ZNF585B: variants seen among roughly 807,000 people sequenced by gnomAD.
The protein encoded by ZNF585B is zinc finger protein 41-like protein.
A neutral mutation model predicts 14.0 loss-of-function variants in ZNF585B; 7 were observed. That is an observed-to-expected ratio of 0.50 (90% CI 0.28 to 0.94). The LOEUF (loss-of-function observed/expected upper bound fraction) is 0.94. Among genes scored for constraint, ZNF585B ranks in the 40% least tolerant of loss-of-function variants. ZNF585B has a pLI of 0.09. For synonymous variants in ZNF585B, 290 were observed against 317.3 expected, an observed-to-expected ratio of 0.91 and a Z score of 0.91; for missense variants, 750 against 924.4, an observed-to-expected ratio of 0.81 and a Z score of 2.45.
chr19:37,185,414 T>C lies in ZNF585B; in HGVS notation c.2123A>G (p.His708Arg), dbSNP rs1440897267. 6.2e-6 allele frequency: 10 copies of C among 1,614,036 alleles called. No homozygotes were observed. In the Middle Eastern group the frequency reaches 1.5e-3, roughly 240 times the overall value. ...CTTCTCTCCAGTGTGAATTCGCTGA[T>C]GCACTTGGAGCTGTGATTTTTTAGT... ...SFTKKSQLQV[H>R]QRIHTGEKPY... Residue 708 changes from histidine (H) to arginine (R), a missense_variant, in exon 5 of 5, where the codon CAT becomes CGT. Around this residue, in one of 2 missense-constraint regions of ZNF585B, gnomAD observed 233 missense variants for 354.1 expected, o/e 0.66. Coordinates refer to ENST00000532828, the MANE Select transcript of ZNF585B (RefSeq NM_152279.4).
intron 2 of ZNF585B, among the ~76,000 whole-genome samples, chr19:37,195,345 CAAAAAAAAAAA>C (rs71177429): frequency 8.4e-4 from 12 of 14,282 alleles, no homozygotes; most frequent in Non-Finnish European, 1.3e-3. Flanking sequence ...GACTCTGACT[CAAAAAAAAAAA>C]AAAAAAAAAA....
chr19:37,206,860 C>T (rs185334896), intron 2 of ZNF585B, among the ~76,000 whole-genome samples, 180 bp downstream of exon 2: 13 of 152,320 alleles, frequency 8.5e-5, no homozygotes, highest in African/African-American at 1.9e-4. Context: ...CCTCCAGAGA[C>T]GGAGACATTA....
At chr19:37,191,270 T>C (rs1015696585) in intron 2 of ZNF585B, among the ~76,000 whole-genome samples, 1 of 152,148 alleles carries the variant, frequency 6.6e-6, no homozygotes, top group African/African-American at 2.4e-5. Flanking sequence ...GGTCACATAT[T>C]AAATATCCAG....
Position 37,190,166 on chromosome 19 carries a change from C to G in ZNF585B, c.73-16G>C. ...ACACTGATCCCTGTAAGGGCACATTCCTGTTCAATGTGCATAGTCAGCTTT... is the reference window on the plus strand; with the variant it reads ...ACACTGATCCCTGTAAGGGCACATTGCTGTTCAATGTGCATAGTCAGCTTT... On this transcript the variant is annotated splice_polypyrimidine_tract_variant and intron_variant, in intron 2 of 4. Transcript: ENST00000532828. 6.2e-7 allele frequency: 1 copy of G among 1,614,098 alleles called. No individual in the cohort carries two copies. Among genetic ancestry groups the G allele is most frequent in the African/African-American group, 1.3e-5 (1 of 75,038 alleles).
chr19:37,204,787 C>A (rs893366976), intron 2 of ZNF585B, among the ~76,000 whole-genome samples: 1 of 150,968 alleles, frequency 6.6e-6, no homozygotes. Flanking sequence ...CACTCTGTCA[C>A]CCAGACTGGA....
intron 2 of ZNF585B, 105 bp from the exon 3 acceptor site, chr19:37,190,255 A>AT (rs907810136): frequency 7.0e-3 from 9,355 of 1,328,306 alleles, no homozygotes; most frequent in South Asian, 0.017. Flanking sequence ...AATTTACTTC[A>AT]TTTTTTTTTT....
intron 2 of ZNF585B, among the ~76,000 whole-genome samples, chr19:37,193,737 A>G (rs1316100428): frequency 2.6e-5 from 4 of 152,100 alleles, no homozygotes; most frequent in African/African-American, 9.7e-5. Context: ...CCGTTAATGC[A>G]CCACTGCACA....
chr19:37,184,729 T>G lies in ZNF585B; in HGVS notation c.*498A>C. On this transcript the variant is annotated 3_prime_UTR_variant, in exon 5 of 5. Transcript: ENST00000532828. Reference sequence around the variant, plus strand: ...TTGATAGAAATACTCAATGGGGAATTGGATATGCACAACTGTGTTCGATTC... The same window carrying G: ...TTGATAGAAATACTCAATGGGGAATGGGATATGCACAACTGTGTTCGATTC... 3.0e-6 allele frequency: 1 copy of G among 328,128 alleles called. No homozygotes were observed. Among genetic ancestry groups the G allele is most frequent in the Non-Finnish European group, 5.5e-6 (1 of 181,708 alleles). The allele number at this position is 328,128 out of a possible 1,614,324, so 20.3% of individuals were successfully genotyped here.
intron 4 of ZNF585B, 118 bp downstream of exon 4, chr19:37,189,543 G>T (rs1972376130): frequency 9.0e-7 from 1 of 1,113,452 alleles, no homozygotes; most frequent in East Asian, 2.6e-5. Flanking sequence ...AAAAAATTCA[G>T]AGCCTTACTG....
chr19:37,201,086 T>C (rs1357492655), intron 2 of ZNF585B, among the ~76,000 whole-genome samples: 1 of 114,626 alleles, frequency 8.7e-6, no homozygotes, highest in South Asian at 2.8e-4. Context: ...CAAGACTCCG[T>C]CTCAAAAAAA....
Position 37,183,994 on chromosome 19 carries a change from T to A in ZNF585B, c.*1233A>T, listed in dbSNP as rs957243576. On this transcript the variant is annotated 3_prime_UTR_variant, in exon 5 of 5. Coordinates refer to ENST00000532828, the MANE Select transcript of ZNF585B (RefSeq NM_152279.4). ...AGAATTGTAATAGCAGAAGGAAGAA[T>A]TTAAGTTCTCCCAGATGACCTGAAA... The A allele has an allele frequency of 6.7e-6, 1 of 149,936 alleles. No individual in the cohort carries two copies. Among genetic ancestry groups the A allele is most frequent in the Non-Finnish European group, 1.5e-5 (1 of 67,718 alleles). The allele number at this position is 149,936 out of a possible 1,614,324, so 9.3% of individuals were successfully genotyped here.
Position 37,185,647 on chromosome 19 carries a change from T to C in ZNF585B, c.1890A>G (p.Gly630=). ...QLLVHQPVHT[G]EKPYVCAECG... Reference sequence around the variant, plus strand: ...ACTCGGCACACACATAGGGTTTCTCTCCTGTGTGAACTGGCTGATGCACCA... The same window carrying C: ...ACTCGGCACACACATAGGGTTTCTCCCCTGTGTGAACTGGCTGATGCACCA... Residue 630 remains glycine (G), a synonymous_variant, in exon 5 of 5, where the codon GGA becomes GGG. Transcript: ENST00000532828. 1 of 1,613,842 alleles carries C rather than the reference T, an allele frequency of 6.2e-7. No homozygotes were observed. The highest frequency in any genetic ancestry group is 2.2e-5 in the East Asian group (1 of 44,864).
At chr19:37,196,199 T>C (rs1972464135) in intron 2 of ZNF585B, among the ~76,000 whole-genome samples, 1 of 152,150 alleles carries the variant, frequency 6.6e-6, no homozygotes, top group Non-Finnish European at 1.5e-5. Context: ...TTTCATAATT[T>C]TAGGTACAAA....
intron 2 of ZNF585B, among the ~76,000 whole-genome samples, chr19:37,203,046 T>G (rs1373881768): frequency 6.6e-6 from 1 of 152,244 alleles, no homozygotes; most frequent in Non-Finnish European, 1.5e-5. Flanking sequence ...TATGTTTATC[T>G]TCACTCTTTT....
At position 37,183,594 on chromosome 19, in the gene ZNF585B, G is replaced by A. The variant is rs1301115068; in HGVS notation, c.*1633C>T. On this transcript the variant is annotated 3_prime_UTR_variant, in exon 5 of 5. Transcript: ENST00000532828. ...GCAGGCAGGGAAGGCCTGTGTGGAG[G>A]TGTCATGGAAAAAAAGACATGACGG... 6.6e-6 allele frequency: 1 copy of A among 152,110 alleles called. No individual in the cohort carries two copies. The highest frequency in any genetic ancestry group is 6.6e-5 in the Admixed American group (1 of 15,256). 9.4% of individuals were successfully genotyped at this position (152,110 alleles called of 1,614,324 possible). A position where few individuals can be genotyped will look rare whatever the true frequency, so the allele number is the denominator to read the frequency against.
At chr19:37,209,329 C>A (rs1453396325) in intron 1 of ZNF585B, among the ~76,000 whole-genome samples, 2 of 152,108 alleles carry the variant, frequency 1.3e-5, no homozygotes, top group African/African-American at 4.8e-5. Context: ...TCTCGAACTC[C>A]TGACCTCAGG....
chr19:37,206,226 C>T (rs1469380198), intron 2 of ZNF585B, among the ~76,000 whole-genome samples: 1 of 151,830 alleles, frequency 6.6e-6, no homozygotes, highest in Non-Finnish European at 1.5e-5. Context: ...CTGAGGTGGG[C>T]AGATCACCTG....
rs1972331593 is a variant in ZNF585B, at chr19:37,186,220, T to C, written c.1317A>G (p.Lys439=). 3 of 1,614,150 alleles carry C rather than the reference T, an allele frequency of 1.9e-6. No homozygotes were observed. Among genetic ancestry groups the C allele is most frequent in the East Asian group, 4.5e-5 (2 of 44,876 alleles). Residue 439 remains lysine (K), a synonymous_variant, in exon 5 of 5, where the codon AAA becomes AAG. Transcript: ENST00000532828. ...TAAACAATTTCCCACAGTGACCACATTTATAAGGTTTCTCTCCAGTATGAA... is the reference window on the plus strand; with the variant it reads ...TAAACAATTTCCCACAGTGACCACACTTATAAGGTTTCTCTCCAGTATGAA... ...QIIHTGEKPY[K]CGHCGKLFTS...
intron 1 of ZNF585B, among the ~76,000 whole-genome samples, chr19:37,207,803 T>C (rs1255509310): frequency 6.6e-6 from 1 of 152,122 alleles, no homozygotes; most frequent in East Asian, 1.9e-4. Context: ...CAGAAAACCA[T>C]GTCATCAAAA....
Sources: gnomAD v4.1 joint callset for allele counts (sites outside exome capture counted in the v4.1 genomes callset) on GRCh38, gnomAD v4.1.1 for gene constraint, gnomAD v4.1.1 regional missense constraint, MANE v1.5 for transcripts, NCBI Gene and HGNC (gene_info 2026-07-23, HGNC 2026-07-21) for gene names.